The following DPF3 variants were observed in gnomAD, a reference collection of about 807,000 sequenced individuals.
DPF3 encodes double PHD fingers 3.
Under a neutral mutation model 56.8 loss-of-function variants are expected in DPF3, and 18 were observed. The observed-to-expected ratio is 0.32, with a 90% confidence interval of 0.22 to 0.47. DPF3 has a LOEUF of 0.47. Ranked by LOEUF, DPF3 falls within the 20% of genes least tolerant of loss-of-function variation. The probability of loss-of-function intolerance (pLI) is 1.00; values close to 1 mark genes in which losing one functional copy is unlikely to be tolerated. For synonymous variants in DPF3, 188 were observed against 180.2 expected (o/e 1.04, Z -0.35); for missense variants, 403 against 488.8 (o/e 0.82, Z 1.65).
intron 8 of DPF3, chr14:72,661,375 C>T (rs1334400019): frequency 2.0e-6 from 2 of 985,244 alleles, no homozygotes; most frequent in Non-Finnish European, 2.4e-6. Flanking sequence ...TTCTCAGGCT[C>T]AGAACCATTT....
rs112816586 is a variant in DPF3 at position 72,739,897 on chromosome 14, C to T, written c.302-7963G>A. 6.2e-3 allele frequency among the ~76,000 whole-genome samples: 939 copies of T among 152,214 alleles called. 10 individuals are homozygous for T. The highest frequency in any genetic ancestry group is 0.022 in the African/African-American group (905 of 41,540). ...GGCCCTCATAGAATTTATATTCTAG[C>T]AAGAGAGAAACAATACATGAAGCAA... On this transcript the variant is annotated intron_variant, in intron 3 of 10. Coordinates refer to ENST00000556509, the MANE Select transcript of DPF3 (RefSeq NM_001280542.3).
chr14:72,768,740 A>T (rs997110883), intron 2 of DPF3, among the ~76,000 whole-genome samples: 32 of 152,306 alleles, frequency 2.1e-4, no homozygotes, highest in African/African-American at 7.2e-4. Context: ...CCAACTGTGT[A>T]TTGAGTTAGT....
At chr14:72,629,524 C>T in intron 9 of DPF3, 100 bp downstream of exon 9, 5 of 1,178,276 alleles carry the variant, frequency 4.2e-6, no homozygotes, top group Non-Finnish European at 6.0e-6. Flanking sequence ...GGTAACAGGC[C>T]CCAGGGGCCT....
chr14:72,772,934 G>C (rs1891595670), intron 1 of DPF3, among the ~76,000 whole-genome samples: 1 of 152,062 alleles, frequency 6.6e-6, no homozygotes, highest in South Asian at 2.1e-4. Flanking sequence ...AAGTAGGAAG[G>C]GAAGGAGCCA....
intron 1 of DPF3, among the ~76,000 whole-genome samples, chr14:72,862,328 C>A (rs761480025): frequency 2.0e-5 from 3 of 152,180 alleles, no homozygotes; most frequent in Non-Finnish European, 4.4e-5. Context: ...TCACAGTCCT[C>A]ACCATCACAA....
At chr14:72,626,685 G>A (rs1220032541) in intron 9 of DPF3, among the ~76,000 whole-genome samples, 1 of 152,080 alleles carries the variant, frequency 6.6e-6, no homozygotes, top group African/African-American at 2.4e-5. Context: ...TATCTTCAAG[G>A]TAGATTCCTG....
intron 3 of DPF3, among the ~76,000 whole-genome samples, chr14:72,737,210 C>CAA (rs991802363): frequency 1.3e-5 from 2 of 148,970 alleles, no homozygotes; most frequent in South Asian, 2.1e-4. Flanking sequence ...AACAAACAAA[C>CAA]AAAAAAAACC....
At chr14:72,801,943 G>C (rs1226460762) in intron 1 of DPF3, among the ~76,000 whole-genome samples, 1 of 152,210 alleles carries the variant, frequency 6.6e-6, no homozygotes, top group Non-Finnish European at 1.5e-5. Context: ...TAGATTCTTA[G>C]GGACTTATCC....
At chr14:72,670,313 G>A (rs1450653657) in intron 8 of DPF3, 2 of 986,106 alleles carry the variant, frequency 2.0e-6, no homozygotes, top group East Asian at 1.1e-4. Flanking sequence ...TCTTTGCCAG[G>A]AGGAAAGTGA....
At chr14:72,876,571 T>C (rs1469034822) in intron 1 of DPF3, among the ~76,000 whole-genome samples, 3 of 152,126 alleles carry the variant, frequency 2.0e-5, no homozygotes, top group South Asian at 4.1e-4. Context: ...AACAGATCTG[T>C]GTGCTCTCCT....
rs1884049353 is a variant in DPF3, at chr14:72,615,693, G to A, written c.*3604C>T. Among the ~76,000 whole-genome samples the A allele has an allele frequency of 6.6e-6, 1 of 152,246 alleles. No individual in the cohort carries two copies. Among genetic ancestry groups the A allele is most frequent in the South Asian group, 2.1e-4 (1 of 4,836 alleles). ...CGGCTTCCTACCTCGCCCTGGGGCA[G>A]GGACAGGAGCAGGGGAGCCTTGGGA... On this transcript the variant is annotated 3_prime_UTR_variant, in exon 11 of 11. Transcript: ENST00000556509.
At chr14:72,889,990 A>T (rs1215229074) in intron 1 of DPF3, among the ~76,000 whole-genome samples, 1 of 152,224 alleles carries the variant, frequency 6.6e-6, no homozygotes, top group African/African-American at 2.4e-5. Flanking sequence ...GGAATTTAAT[A>T]ATAATAATTT....
chr14:72,836,838 T>G (rs1313732436), intron 1 of DPF3, among the ~76,000 whole-genome samples: 1 of 152,038 alleles, frequency 6.6e-6, no homozygotes, highest in East Asian at 1.9e-4. Flanking sequence ...TGTGGAAAGA[T>G]CCAATCACCT....
intron 1 of DPF3, among the ~76,000 whole-genome samples, chr14:72,826,453 T>C (rs1265047203): frequency 6.6e-6 from 1 of 152,120 alleles, no homozygotes; most frequent in East Asian, 1.9e-4. Context: ...CGCAAACCTA[T>C]AGGTGACAAT....
chr14:72,710,988 A>G (rs1451896349), intron 6 of DPF3, among the ~76,000 whole-genome samples: 1 of 152,236 alleles, frequency 6.6e-6, no homozygotes, highest in Non-Finnish European at 1.5e-5. Flanking sequence ...CAAACTCTCT[A>G]TCACCTGCAG....
rs367882746 is a variant in DPF3 at position 72,892,997 on chromosome 14, A to C, written c.32+1060T>G. Among the ~76,000 whole-genome samples, 91 of 125,614 alleles carry C rather than the reference A, an allele frequency of 7.2e-4. 10 individuals carry two copies. The highest frequency in any genetic ancestry group is 1.0e-3 in the African/African-American group (38 of 36,768). The allele number at this position is 125,614 out of a possible 152,430, so 82.4% of individuals were successfully genotyped here. ...GAAGGAAGGAAGGAAGGAAGGAAGG[A>C]AGGAAGGAAGGAAGGAAGGAAGGAA... On this transcript the variant is annotated intron_variant, in intron 1 of 10. Transcript: ENST00000556509.
intron 5 of DPF3, among the ~76,000 whole-genome samples, chr14:72,723,248 A>G (rs146591990): frequency 6.7e-6 from 1 of 148,162 alleles, no homozygotes; most frequent in African/African-American, 2.5e-5. Context: ...CATGTACCCC[A>G]AAAGCAGGTA....
chr14:72,711,096 G>C (rs774321599), intron 6 of DPF3, among the ~76,000 whole-genome samples: 1 of 152,262 alleles, frequency 6.6e-6, no homozygotes, highest in South Asian at 2.1e-4. Context: ...TTCCAGGAAG[G>C]GTTAAATAAA....
chr14:72,863,100 A>ATATATATATATATATATG (rs1413440131), intron 1 of DPF3, among the ~76,000 whole-genome samples: 1 of 110,602 alleles, frequency 9.0e-6, no homozygotes, highest in Non-Finnish European at 1.9e-5. Context: ...ATATATATAT[A>ATATATATATATATATATG]TGTGTGTGTA....
Sources: allele counts gnomAD v4.1 joint callset (sites outside exome capture counted in the v4.1 genomes callset), GRCh38; gene constraint gnomAD v4.1.1; transcripts MANE v1.5; gene names NCBI Gene and HGNC (gene_info 2026-07-23, HGNC 2026-07-21).